Variants in GRIP1 observed in about 807,000 individuals in gnomAD.
GRIP1 encodes the protein glutamate receptor interacting protein 1.
A neutral mutation model predicts 129.9 loss-of-function variants in GRIP1; 45 were observed. The observed-to-expected ratio is 0.35, with a 90% CI of 0.27 to 0.44. GRIP1 has a LOEUF of 0.44. Among genes scored for constraint, GRIP1 ranks in the 20% least tolerant of loss-of-function variants. The pLI, the probability that GRIP1 is intolerant of heterozygous loss-of-function variation, is 1.00. For missense variants in GRIP1, 1,196 were observed against 1,396.8 expected (o/e 0.86, Z 2.29); for synonymous variants, 530 against 520.8 (o/e 1.02, Z -0.24).
chr12:66,348,071 G>A lies in GRIP1; in HGVS notation c.*948C>T, dbSNP rs1156481858. 1 of 152,122 alleles carries A rather than the reference G, an allele frequency of 6.6e-6. No individual in the cohort carries two copies. Among genetic ancestry groups the A allele is most frequent in the Non-Finnish European group, 1.5e-5 (1 of 68,026 alleles). The allele number at this position is 152,122 out of a possible 1,614,324, so 9.4% of individuals were successfully genotyped here. On this transcript the variant is annotated 3_prime_UTR_variant, in exon 25 of 25. Coordinates refer to ENST00000359742, the MANE Select transcript of GRIP1 (RefSeq NM_001366722.1). ...TGTGAAAAATGTATTTACAATTTCG[G>A]TAAGTGGCATGGCTCAGAGCAAAAG...
At chr12:66,688,202 G>A (rs1398075918) in intron 1 of GRIP1, among the ~76,000 whole-genome samples, 1 of 152,124 alleles carries the variant, frequency 6.6e-6, no homozygotes, top group Admixed American at 6.5e-5. Flanking sequence ...TGTCACTTGG[G>A]ATCAAAGAGT....
At chr12:66,675,237 C>CAATGAAAG (rs2034272306) in intron 1 of GRIP1, among the ~76,000 whole-genome samples, 1 of 152,080 alleles carries the variant, frequency 6.6e-6, no homozygotes, top group Non-Finnish European at 1.5e-5. Context: ...TGCCCAGAGC[C>CAATGAAAG]GTGCTCCCTG....
At chr12:66,479,211 A>AAT (rs1197183015) in intron 7 of GRIP1, among the ~76,000 whole-genome samples, 2 of 151,998 alleles carry the variant, frequency 1.3e-5, no homozygotes, top group Non-Finnish European at 2.9e-5. Context: ...AATCAAATAG[A>AAT]CACAATAAAA....
At chr12:66,393,925 A>G (rs2056690612) in intron 17 of GRIP1, among the ~76,000 whole-genome samples, 1 of 152,138 alleles carries the variant, frequency 6.6e-6, no homozygotes, top group African/African-American at 2.4e-5. Flanking sequence ...TCCTCTCAAA[A>G]TGGACACAAT....
At chr12:66,525,365 G>C (rs548437311) in intron 5 of GRIP1, among the ~76,000 whole-genome samples, 1 of 152,122 alleles carries the variant, frequency 6.6e-6, no homozygotes, top group Admixed American at 6.5e-5. Context: ...GGGATGCAAG[G>C]CTGGTTGAAT....
rs555799290 is a variant in GRIP1, at chr12:66,651,035, T to C, written c.55+27815A>G. ...ATTTAAGACAATATGTACATAGTAC[T>C]ACTGTACACAGTTAGTAATTATTAT... On this transcript the variant is annotated intron_variant, in intron 1 of 24. Coordinates refer to ENST00000359742, the MANE Select transcript of GRIP1 (RefSeq NM_001366722.1). 2.0e-5 allele frequency among the ~76,000 whole-genome samples: 3 copies of C among 152,358 alleles called. No homozygotes were observed. The East Asian group carries it at 5.8e-4, about 29-fold the overall frequency.
At chr12:67,069,317 C>T (rs1381507594), upstream of GRIP1, among the ~76,000 whole-genome samples, 1 of 139,568 alleles carries the variant, frequency 7.2e-6, no homozygotes, top group Non-Finnish European at 1.6e-5. Context: ...CGGGCGGCGG[C>T]GGCGGCGGCG....
intron 1 of GRIP1, among the ~76,000 whole-genome samples, chr12:66,726,518 A>T (rs1040457391): frequency 2.6e-5 from 4 of 152,140 alleles, no homozygotes; most frequent in African/African-American, 9.7e-5. Flanking sequence ...CAAAAAACAA[A>T]CAACTTTAAT....
chr12:66,492,169 A>C (rs2060121009), intron 7 of GRIP1, among the ~76,000 whole-genome samples: 1 of 141,468 alleles, frequency 7.1e-6, no homozygotes, highest in Admixed American at 7.1e-5. Context: ...TGTTTCAGTT[A>C]AAAAAAAAAA....
intron 1 of GRIP1, among the ~76,000 whole-genome samples, chr12:66,930,925 G>A (rs1463417845): frequency 1.3e-5 from 2 of 152,100 alleles, no homozygotes; most frequent in Non-Finnish European, 2.9e-5. Context: ...ATCTATCTTG[G>A]CTCCAGGATT....
At chr12:66,840,005 G>A (rs1306178905) in intron 1 of GRIP1, among the ~76,000 whole-genome samples, 1 of 152,134 alleles carries the variant, frequency 6.6e-6, no homozygotes, top group African/African-American at 2.4e-5. Context: ...TGACCCAAAT[G>A]GGAAATTATT....
intron 7 of GRIP1, among the ~76,000 whole-genome samples, chr12:66,474,393 G>GA (rs1456710339): frequency 6.6e-6 from 1 of 152,138 alleles, no homozygotes; most frequent in Non-Finnish European, 1.5e-5. Flanking sequence ...AACTGAGCTG[G>GA]AAAACACTCT....
At chr12:66,634,778 G>C (rs947908061) in intron 1 of GRIP1, among the ~76,000 whole-genome samples, 2 of 152,186 alleles carry the variant, frequency 1.3e-5, no homozygotes, top group Non-Finnish European at 1.5e-5. Flanking sequence ...CAGAACTAGT[G>C]ATAGAGCTGG....
chr12:66,473,517 G>A (rs1280020513), intron 7 of GRIP1, among the ~76,000 whole-genome samples: 2 of 152,188 alleles, frequency 1.3e-5, no homozygotes, highest in Non-Finnish European at 2.9e-5. Context: ...CCCTTGAGGG[G>A]ACAGTGCTTC....
chr12:66,425,022 A>G (rs962612790), intron 14 of GRIP1, among the ~76,000 whole-genome samples: 3 of 137,916 alleles, frequency 2.2e-5, no homozygotes, highest in African/African-American at 5.4e-5. Flanking sequence ...ACTTTCTCTC[A>G]CTCTTGGTGG....
intron 2 of GRIP1, among the ~76,000 whole-genome samples, chr12:66,549,820 T>C (rs2062065578): frequency 6.6e-6 from 1 of 152,144 alleles, no homozygotes; most frequent in Non-Finnish European, 1.5e-5. Context: ...TGAAACAAAA[T>C]TATGATTGGG....
intron 1 of GRIP1, among the ~76,000 whole-genome samples, chr12:66,989,040 T>C (rs992205793): frequency 6.6e-6 from 1 of 152,154 alleles, no homozygotes; most frequent in African/African-American, 2.4e-5. Context: ...TTCCACCTTC[T>C]CAACAGTCCC....
intron 1 of GRIP1, among the ~76,000 whole-genome samples, chr12:66,674,969 G>A (rs2034257636): frequency 6.6e-6 from 1 of 152,138 alleles, no homozygotes; most frequent in Non-Finnish European, 1.5e-5. Context: ...ACACCCCATT[G>A]GGATGAAGGT....
chr12:66,629,251 T>C (rs1215330980), intron 1 of GRIP1, among the ~76,000 whole-genome samples: 3 of 152,216 alleles, frequency 2.0e-5, no homozygotes, highest in East Asian at 3.8e-4. Context: ...ACAAGACATA[T>C]TAAAATGAAT....
Sources: allele counts gnomAD v4.1 joint callset (sites outside exome capture counted in the v4.1 genomes callset), GRCh38; gene constraint gnomAD v4.1.1; transcripts MANE v1.5; gene names NCBI Gene and HGNC (gene_info 2026-07-23, HGNC 2026-07-21).